The following UNC5D variants were observed in gnomAD, a reference collection of about 807,000 sequenced individuals.
UNC5D encodes netrin receptor UNC5D.
UNC5D carries 39 observed loss-of-function variants against 105.4 expected under a neutral mutation model. The ratio of observed to expected loss-of-function variants is 0.37; its 90% CI spans 0.29 to 0.48. The LOEUF is 0.48. UNC5D is among the 20% of genes least tolerant of loss of function. The pLI is 0.98. For missense variants in UNC5D, 991 were observed against 1,202.4 expected (o/e 0.82, Z 2.60); for synonymous variants, 452 against 450.4 (o/e 1.00, Z -0.04).
intron 16 of UNC5D, among the ~76,000 whole-genome samples, chr8:35,782,501 A>C (rs1563759515): frequency 6.7e-6 from 1 of 149,426 alleles, no homozygotes; most frequent in Non-Finnish European, 1.5e-5. Flanking sequence ...ACTACTCAAA[A>C]ATTTTTTTTT....
chr8:35,441,349 A>C (rs1453002509), intron 1 of UNC5D, among the ~76,000 whole-genome samples: 2 of 151,942 alleles, frequency 1.3e-5, no homozygotes, highest in African/African-American at 4.8e-5. Flanking sequence ...CTATTTTATT[A>C]GTTATTAATC....
At chr8:35,755,220 T>C (rs567722322) in intron 13 of UNC5D, among the ~76,000 whole-genome samples, 1 of 152,220 alleles carries the variant, frequency 6.6e-6, no homozygotes, top group Admixed American at 6.5e-5. Flanking sequence ...AGCAAGGAAT[T>C]AAGCTGTTAC....
intron 1 of UNC5D, among the ~76,000 whole-genome samples, chr8:35,305,099 T>C (rs1174490067): frequency 6.6e-6 from 1 of 152,148 alleles, no homozygotes; most frequent in East Asian, 1.9e-4. Context: ...TTCAACCTTA[T>C]CATTTTAAGA....
At chr8:35,617,857 T>C (rs954701775) in intron 4 of UNC5D, among the ~76,000 whole-genome samples, 1 of 152,202 alleles carries the variant, frequency 6.6e-6, no homozygotes, top group Admixed American at 6.5e-5. Context: ...CTTAACTGAT[T>C]TGGAACTGTT....
chr8:35,480,228 T>C (rs752158461), intron 1 of UNC5D, among the ~76,000 whole-genome samples: 72 of 152,216 alleles, frequency 4.7e-4, no homozygotes, highest in Non-Finnish European at 2.4e-4. Context: ...TGCCAAACAC[T>C]GTACCTCTAA....
chr8:35,248,800 AATATAAT>A (rs1321062510), intron 1 of UNC5D, among the ~76,000 whole-genome samples: 1 of 98,454 alleles, frequency 1.0e-5, no homozygotes, highest in Non-Finnish European at 1.8e-5. Flanking sequence ...AATATATAAA[AATATAAT>A]ATATAATATA....
chr8:35,779,574 T>C (rs1802410016), intron 16 of UNC5D, among the ~76,000 whole-genome samples: 1 of 152,164 alleles, frequency 6.6e-6, no homozygotes, highest in African/African-American at 2.4e-5. Context: ...TTCTCCTGCC[T>C]CAGCCTCCAG....
intron 1 of UNC5D, among the ~76,000 whole-genome samples, chr8:35,242,775 C>A (rs572660526): frequency 3.3e-5 from 5 of 152,080 alleles, no homozygotes; most frequent in Non-Finnish European, 7.4e-5. Flanking sequence ...GCCTGGCCAG[C>A]AACTTATTAT....
chr8:35,378,357 A>C (rs997134389), intron 1 of UNC5D, among the ~76,000 whole-genome samples: 14 of 152,212 alleles, frequency 9.2e-5, no homozygotes, highest in Non-Finnish European at 2.9e-5. Context: ...CTGATCTTCC[A>C]CATGGGTCCT....
chr8:35,246,572 T>G (rs911866605), intron 1 of UNC5D, among the ~76,000 whole-genome samples: 11 of 152,078 alleles, frequency 7.2e-5, no homozygotes, highest in African/African-American at 2.7e-4. Flanking sequence ...CTTGCTAGAT[T>G]GACTTCTTTC....
intron 13 of UNC5D, among the ~76,000 whole-genome samples, chr8:35,751,634 T>G (rs530199333): frequency 6.6e-6 from 1 of 152,332 alleles, no homozygotes; most frequent in East Asian, 1.9e-4. Flanking sequence ...GTTATAATTT[T>G]CCAATGGCAG....
chr8:35,760,157 C>T (rs1018188261), intron 14 of UNC5D, among the ~76,000 whole-genome samples: 6 of 140,144 alleles, frequency 4.3e-5, no homozygotes, highest in African/African-American at 2.0e-4. Context: ...GATTCTCCTG[C>T]CTCAGCCTCC....
chr8:35,627,936 A>T (rs1323360442), intron 4 of UNC5D, among the ~76,000 whole-genome samples: 1 of 152,036 alleles, frequency 6.6e-6, no homozygotes, highest in African/African-American at 2.4e-5. Context: ...AAAAAGAAGA[A>T]AATTCTTCTG....
At chr8:35,579,859 C>G (rs568915102) in intron 3 of UNC5D, among the ~76,000 whole-genome samples, 1 of 152,210 alleles carries the variant, frequency 6.6e-6, no homozygotes, top group Non-Finnish European at 1.5e-5. Context: ...CTCCCATTCA[C>G]TGCTGTCAAA....
intron 8 of UNC5D, among the ~76,000 whole-genome samples, chr8:35,708,957 A>G (rs867130866): frequency 6.6e-5 from 10 of 152,084 alleles, no homozygotes; most frequent in African/African-American, 1.9e-4. Context: ...ACAGTATACC[A>G]TCAACTCAGT....
At chr8:35,453,014 A>G (rs1048318730) in intron 1 of UNC5D, among the ~76,000 whole-genome samples, 4 of 152,174 alleles carry the variant, frequency 2.6e-5, no homozygotes, top group African/African-American at 4.8e-5. Flanking sequence ...ATAGTGGAAA[A>G]TTAACTAATG....
At chr8:35,762,465 AC>A (rs1801578857) in intron 14 of UNC5D, among the ~76,000 whole-genome samples, 1 of 152,154 alleles carries the variant, frequency 6.6e-6, no homozygotes, top group African/African-American at 2.4e-5. Context: ...GCAGCCACTG[AC>A]CTTGGTTCAA....
chr8:35,266,483 A>G (rs2128828426), intron 1 of UNC5D, among the ~76,000 whole-genome samples: 1 of 152,348 alleles, frequency 6.6e-6, no homozygotes, highest in East Asian at 1.9e-4. Flanking sequence ...CCAACATCTC[A>G]GAGCTTATGT....
intron 1 of UNC5D, among the ~76,000 whole-genome samples, chr8:35,490,537 A>AG (rs1811143840): frequency 6.6e-6 from 1 of 152,134 alleles, no homozygotes; most frequent in African/African-American, 2.4e-5. Context: ...TAAAAAAAAA[A>AG]ATTAAAAAAG....
Sources: gnomAD v4.1 joint callset for allele counts (sites outside exome capture counted in the v4.1 genomes callset) on GRCh38, gnomAD v4.1.1 for gene constraint, MANE v1.5 for transcripts, NCBI Gene and HGNC (gene_info 2026-07-23, HGNC 2026-07-21) for gene names.